Variants in RPS5 observed in about 807,000 individuals in gnomAD.
The protein encoded by RPS5 is ribosomal protein S5.
Under a neutral mutation model 20.9 loss-of-function variants are expected in RPS5, and 2 were observed. That is an observed-to-expected ratio of 0.10 (90% CI 0.04 to 0.30). RPS5 has a LOEUF of 0.30. RPS5 is among the 10% of genes least tolerant of loss of function. RPS5 has a pLI of 1.00. For synonymous variants in RPS5, 112 were observed against 105.8 expected, an observed-to-expected ratio of 1.06 and a Z score of -0.36; for missense variants, 122 against 287.2, an observed-to-expected ratio of 0.42 and a Z score of 4.16.
intron 2 of RPS5, among the ~76,000 whole-genome samples, chr19:58,392,679 AG>A (rs2052371358): frequency 1.3e-5 from 2 of 151,908 alleles, no homozygotes; most frequent in African/African-American, 4.8e-5. Flanking sequence ...AACATCCTAT[AG>A]TGTGCAGGAC....
chr19:58,392,112 A>T (rs1314556212), intron 2 of RPS5, among the ~76,000 whole-genome samples: 2 of 152,188 alleles, frequency 1.3e-5, no homozygotes, highest in African/African-American at 4.8e-5. Context: ...ACTTGAGGTC[A>T]AGAGTTCGAG....
chr19:58,392,330 GA>G lies in RPS5; in HGVS notation c.109-636del, dbSNP rs113119710. On this transcript the variant is annotated intron_variant, in intron 2 of 5. Coordinates refer to ENST00000196551, the MANE Select transcript of RPS5 (RefSeq NM_001009.4). ...CAGCAAGACTCAGCCTCAAGGGGGG[GA>G]AAAAAAAAACTAGGCCAGGCGCAGT... 1.0e-2 allele frequency among the ~76,000 whole-genome samples: 1,383 copies of G among 138,960 alleles called. 12 individuals are homozygous for G. The highest frequency in any genetic ancestry group is 0.018 in the African/African-American group (731 of 39,722). 91.2% of individuals were successfully genotyped at this position (138,960 alleles called of 152,430 possible).
Position 58,391,857 on chromosome 19 carries a change from C to G in RPS5, c.109-1119C>G, listed in dbSNP as rs147112162. ...AGGAGAATTGCTTGAACCTGGGAGG[C>G]GGAGGTTTCAGTGAGCCAAGATTGC... On this transcript the variant is annotated intron_variant, in intron 2 of 5. Transcript: ENST00000196551. Among the ~76,000 whole-genome samples, 897 of 151,514 alleles carry G rather than the reference C, an allele frequency of 5.9e-3. 5 individuals carry two copies. The highest frequency in any genetic ancestry group is 0.02 in the African/African-American group (836 of 41,242).
intron 4 of RPS5, 165 bp from the exon 5 acceptor site, chr19:58,394,332 C>A: frequency 1.6e-6 from 1 of 621,826 alleles, no homozygotes; most frequent in South Asian, 1.8e-5. Flanking sequence ...TGGACACTTG[C>A]TCTTGTGACC....
chr19:58,389,272 C>T (rs1438146315), intron 2 of RPS5, among the ~76,000 whole-genome samples: 3 of 151,588 alleles, frequency 2.0e-5, no homozygotes, highest in South Asian at 4.1e-4. Context: ...TTTTTTTAAT[C>T]ATTAAAGTTT....
At chr19:58,394,089 C>A (rs2052381190) in intron 4 of RPS5, 2 of 204,894 alleles carry the variant, frequency 9.8e-6, no homozygotes, top group South Asian at 8.6e-5. Context: ...GCATGAGCCA[C>A]CACACCTGGC....
intron 2 of RPS5, 62 bp from the exon 3 acceptor site, chr19:58,392,913 CT>C: frequency 4.6e-6 from 7 of 1,510,484 alleles, no homozygotes; most frequent in Non-Finnish European, 6.4e-6. Context: ...CCTCTGGTGT[CT>C]GGCCAACGCC....
chr19:58,391,019 G>C (rs1419055946), intron 2 of RPS5, among the ~76,000 whole-genome samples: 1 of 152,222 alleles, frequency 6.6e-6, no homozygotes, highest in East Asian at 1.9e-4. Context: ...ATCAACAGCA[G>C]TCTCCTTCGA....
intron 5 of RPS5, 38 bp from the exon 6 acceptor site, chr19:58,394,644 G>C (rs758728556): frequency 1.2e-6 from 2 of 1,613,666 alleles, no homozygotes; most frequent in Non-Finnish European, 1.7e-6. Flanking sequence ...GCATTTGTGG[G>C]GGTCCTTCAG....
chr19:58,391,081 C>G (rs1453491939), intron 2 of RPS5, among the ~76,000 whole-genome samples: 1 of 152,140 alleles, frequency 6.6e-6, no homozygotes. Context: ...AACTTTTTGG[C>G]ATTTTTCTAG....
intron 3 of RPS5, 36 bp from the exon 4 acceptor site, chr19:58,393,323 G>A: frequency 1.2e-6 from 2 of 1,611,054 alleles, no homozygotes; most frequent in Non-Finnish European, 8.5e-7. Flanking sequence ...GAATGCATGG[G>A]GCTGGATGTC....
intron 2 of RPS5, among the ~76,000 whole-genome samples, chr19:58,392,633 T>G (rs1156271808): frequency 2.0e-5 from 3 of 147,928 alleles, no homozygotes; most frequent in East Asian, 1.9e-4. Flanking sequence ...AAAAAAAAAC[T>G]GAAGGGGTTG....
chr19:58,394,239 C>T (rs189887943), intron 4 of RPS5: 108 of 479,620 alleles, frequency 2.3e-4, no homozygotes, highest in African/African-American at 1.8e-3. Flanking sequence ...CCACCGTGCC[C>T]GGCCGTCTAG....
chr19:58,392,125 C>T (rs746999707), intron 2 of RPS5, among the ~76,000 whole-genome samples: 1 of 152,132 alleles, frequency 6.6e-6, no homozygotes, highest in Non-Finnish European at 1.5e-5. Context: ...AGTTCGAGAC[C>T]AGCCTGCTCA....
Position 58,393,465 on chromosome 19 carries a change from C to G in RPS5, c.425C>G (p.Ser142Cys), listed in dbSNP as rs1168887040. 6.2e-7 allele frequency: 1 copy of G among 1,612,062 alleles called. No homozygotes were observed. Among genetic ancestry groups the G allele is most frequent in the Non-Finnish European group, 8.5e-7 (1 of 1,179,880 alleles). The change falls in exon 4 of 6, where the codon TCC becomes TGC. Residue 142 changes from serine to cysteine, a missense_variant. Physicochemically the swap from Ser to Cys is moderately radical, Grantham distance 112. Transcript: ENST00000196551. ...GTGAGACGACAGGCTGTGGATGTGT[C>G]CCCCCTGCGCCGTGTGAACCAGGTG... is the stretch of plus-strand genomic sequence containing the variant. ...GTVRRQAVDV[S>C]PLRRVNQAIW...
chr19:58,388,191 G>A lies in RPS5; in HGVS notation c.54G>A (p.Lys18=). 1.2e-6 allele frequency: 2 copies of A among 1,613,354 alleles called. No homozygotes were observed. Among genetic ancestry groups the A allele is most frequent in the Non-Finnish European group, 1.7e-6 (2 of 1,179,912 alleles). The change falls in exon 2 of 6, where the codon AAG becomes AAA. Residue 18 remains lysine (K), a synonymous_variant. Coordinates refer to ENST00000196551, the MANE Select transcript of RPS5 (RefSeq NM_001009.4). The part of the protein sequence containing the change: ...APAVAETPDI[K]LFGKWSTDDV... ...CGGTGGCAGAGACCCCAGACATCAA[G>A]CTCTTTGGGAAGTGGAGCACCGATG...
intron 2 of RPS5, among the ~76,000 whole-genome samples, chr19:58,388,860 A>G (rs1442462529): frequency 6.6e-6 from 1 of 151,480 alleles, no homozygotes; most frequent in Non-Finnish European, 1.5e-5. Flanking sequence ...CGATCTCCTG[A>G]CCTCGTGATC....
intron 2 of RPS5, 142 bp downstream of exon 2, chr19:58,388,387 T>C (rs1459933816): frequency 1.5e-6 from 1 of 650,962 alleles, no homozygotes; most frequent in Non-Finnish European, 2.8e-6. Context: ...CCACCACATC[T>C]ACCACATCTG....
intron 3 of RPS5, 80 bp downstream of exon 3, chr19:58,393,265 C>A: frequency 6.2e-7 from 1 of 1,610,100 alleles, no homozygotes; most frequent in Non-Finnish European, 8.5e-7. Flanking sequence ...TCAGGCTTAT[C>A]CCCTGTGTGG....
Sources: allele counts gnomAD v4.1 joint callset (sites outside exome capture counted in the v4.1 genomes callset), GRCh38; gene constraint gnomAD v4.1.1; transcripts MANE v1.5; gene names NCBI Gene and HGNC (gene_info 2026-07-23, HGNC 2026-07-21).